ZNF536: variants seen among roughly 807,000 people sequenced by gnomAD.
ZNF536 encodes the protein zinc finger protein 536.
Under a neutral mutation model 84.5 loss-of-function variants are expected in ZNF536, and 13 were observed. The ratio of observed to expected loss-of-function variants is 0.15; its 90% CI spans 0.10 to 0.24. The LOEUF is 0.24. Ranked by LOEUF, ZNF536 falls within the 10% of genes least tolerant of loss-of-function variation. ZNF536 has a pLI of 1.00. For missense variants in ZNF536, 1,536 were observed against 1,747.5 expected (o/e 0.88, Z 2.16); for synonymous variants, 811 against 742.5 (o/e 1.09, Z -1.50).
intron 1 of ZNF536, among the ~76,000 whole-genome samples, chr19:30,412,930 A>G (rs1488256355): frequency 6.6e-6 from 1 of 151,914 alleles, no homozygotes; most frequent in Non-Finnish European, 1.5e-5. Flanking sequence ...TTATTCAAGT[A>G]TGTTACTTCT....
chr19:30,549,907 TA>T (rs1220844744), intron 4 of ZNF536, among the ~76,000 whole-genome samples: 1 of 152,238 alleles, frequency 6.6e-6, no homozygotes, highest in Non-Finnish European at 1.5e-5. Context: ...AAAAGATGCC[TA>T]AAGACAATTC....
chr19:30,501,016 C>T (rs1285187596), intron 2 of ZNF536, among the ~76,000 whole-genome samples: 3 of 152,264 alleles, frequency 2.0e-5, no homozygotes, highest in South Asian at 2.1e-4. Context: ...AAGGTTTGAC[C>T]TGTCATGTAG....
chr19:30,685,396 T>G (rs1310916082), intron 1 of ZNF536, among the ~76,000 whole-genome samples: 1 of 151,936 alleles, frequency 6.6e-6, no homozygotes, highest in African/African-American at 2.4e-5. Context: ...AGGTGTGGGG[T>G]GTGTGTGTGT....
At chr19:30,522,269 A>ATATT (rs2044382144) in intron 2 of ZNF536, among the ~76,000 whole-genome samples, 1 of 9,564 alleles carries the variant, frequency 1.0e-4, no homozygotes, top group Non-Finnish European at 5.6e-4. Context: ...ATACATATAT[A>ATATT]TATACATATA....
intron 2 of ZNF536, among the ~76,000 whole-genome samples, chr19:30,293,726 G>A (rs1056134604): frequency 2.0e-4 from 30 of 152,168 alleles, no homozygotes; most frequent in African/African-American, 7.0e-4. Flanking sequence ...AATGTGATCG[G>A]CATGTTAGCA....
At chr19:30,253,911 C>T (rs980810118) in intron 1 of ZNF536, among the ~76,000 whole-genome samples, 10 of 152,016 alleles carry the variant, frequency 6.6e-5, no homozygotes, top group Non-Finnish European at 1.3e-4. Flanking sequence ...AATCCCAACC[C>T]GATGCTTCAT....
intron 1 of ZNF536, among the ~76,000 whole-genome samples, chr19:30,623,018 G>A (rs1465607188): frequency 1.0e-5 from 1 of 98,512 alleles, no homozygotes; most frequent in Non-Finnish European, 2.1e-5. Context: ...TAAAAATCTT[G>A]TGTTTTTTTT....
chr19:30,608,513 T>A (rs1440705192), intron 1 of ZNF536, among the ~76,000 whole-genome samples: 1 of 152,122 alleles, frequency 6.6e-6, no homozygotes, highest in African/African-American at 2.4e-5. Flanking sequence ...TAATCCTACC[T>A]GAAGGTTTTA....
intron 1 of ZNF536, among the ~76,000 whole-genome samples, chr19:30,282,970 G>T (rs1366018823): frequency 6.6e-6 from 1 of 152,138 alleles, no homozygotes; most frequent in African/African-American, 2.4e-5. Context: ...AACACTTTTC[G>T]AGCATGCAGT....
intron 1 of ZNF536, among the ~76,000 whole-genome samples, chr19:30,244,462 T>C (rs866568174): frequency 1.1e-4 from 16 of 152,246 alleles, no homozygotes; most frequent in Non-Finnish European, 1.6e-4. Flanking sequence ...GTGCATATTA[T>C]TGATGCTGCT....
chr19:30,421,047 C>A (rs1038490889), intron 1 of ZNF536, among the ~76,000 whole-genome samples: 7 of 152,116 alleles, frequency 4.6e-5, no homozygotes, highest in African/African-American at 1.7e-4. Flanking sequence ...AAGTAGGGAT[C>A]TGTTACCAGC....
intron 1 of ZNF536, among the ~76,000 whole-genome samples, chr19:30,280,764 G>T (rs1220972676): frequency 6.6e-6 from 1 of 152,232 alleles, no homozygotes; most frequent in Admixed American, 6.5e-5. Context: ...GGGCAGGCTG[G>T]GCTTTTGCTC....
chr19:30,650,637 T>C (rs2049666221), intron 1 of ZNF536, among the ~76,000 whole-genome samples: 1 of 152,144 alleles, frequency 6.6e-6, no homozygotes, highest in Non-Finnish European at 1.5e-5. Context: ...TTGTCATTGG[T>C]AAAAACTTGC....
intron 1 of ZNF536, among the ~76,000 whole-genome samples, chr19:30,633,435 C>G (rs1234261391): frequency 3.9e-5 from 6 of 152,182 alleles, no homozygotes; most frequent in African/African-American, 4.8e-5. Flanking sequence ...CAAATTTACT[C>G]TCTGGTAATA....
At chr19:30,605,884 C>T (rs981176961) in intron 1 of ZNF536, among the ~76,000 whole-genome samples, 3 of 152,092 alleles carry the variant, frequency 2.0e-5, no homozygotes, top group African/African-American at 4.8e-5. Flanking sequence ...AGATAGGAGC[C>T]GTGCTGCTTC....
intron 2 of ZNF536, among the ~76,000 whole-genome samples, chr19:30,290,686 T>A (rs1209159785): frequency 2.6e-5 from 4 of 152,152 alleles, no homozygotes; most frequent in Non-Finnish European, 5.9e-5. Flanking sequence ...TTTTAAAAAA[T>A]TTTACTTTAA....
At chr19:30,552,038 T>A (rs2045805140) in intron 4 of ZNF536, among the ~76,000 whole-genome samples, 1 of 152,194 alleles carries the variant, frequency 6.6e-6, no homozygotes, top group African/African-American at 2.4e-5. Context: ...GGGCTGTTTT[T>A]TTTTTCTTAA....
At chr19:30,432,006 T>TATATATATATATATATATATAC (rs149223384) in intron 1 of ZNF536, among the ~76,000 whole-genome samples, 145 of 146,022 alleles carry the variant, frequency 9.9e-4, no homozygotes, top group African/African-American at 3.2e-3. Context: ...TATATATATA[T>TATATATATATATATATATATAC]ACACACACAC....
intron 2 of ZNF536, among the ~76,000 whole-genome samples, chr19:30,314,195 C>T: frequency 6.6e-6 from 1 of 152,094 alleles, no homozygotes; most frequent in Non-Finnish European, 1.5e-5. Flanking sequence ...GGCCTGGGGG[C>T]CCCGGGGACC....
Sources: gnomAD v4.1 joint callset for allele counts (sites outside exome capture counted in the v4.1 genomes callset) on GRCh38, gnomAD v4.1.1 for gene constraint, MANE v1.5 for transcripts, NCBI Gene and HGNC (gene_info 2026-07-23, HGNC 2026-07-21) for gene names.